The following SPTLC1 variants were observed in gnomAD, a reference collection of about 807,000 sequenced individuals.
SPTLC1 encodes serine palmitoyltransferase 1.
SPTLC1 carries 55 observed loss-of-function variants against 68.9 expected under a neutral mutation model. The ratio of observed to expected loss-of-function variants is 0.80; its 90% confidence interval spans 0.64 to 1.00. SPTLC1 has a LOEUF of 1.00. Ranked by LOEUF, SPTLC1 falls within the 50% of genes least tolerant of loss-of-function variation. The probability of loss-of-function intolerance (pLI) is 0.00; values close to 1 mark genes in which losing one functional copy is unlikely to be tolerated. For missense variants in SPTLC1, 449 were observed against 573.1 expected, an observed-to-expected ratio of 0.78 and a Z score of 2.21; for synonymous variants, 197 against 201.6, an observed-to-expected ratio of 0.98 and a Z score of 0.19.
chr9:92,099,146 T>A (rs1022923815), intron 3 of SPTLC1, among the ~76,000 whole-genome samples: 3 of 152,194 alleles, frequency 2.0e-5, no homozygotes, highest in Admixed American at 6.5e-5. Context: ...TTATCCTATA[T>A]CTGAACTCTG....
intron 11 of SPTLC1, 90 bp from the exon 12 acceptor site, chr9:92,046,143 C>G: frequency 4.6e-6 from 5 of 1,088,762 alleles, no homozygotes; most frequent in Non-Finnish European, 6.9e-6. Context: ...TCAAGTTCAT[C>G]AATTTAAAAT....
chr9:92,071,069 T>G (rs1185549088), intron 5 of SPTLC1, among the ~76,000 whole-genome samples: 1 of 151,526 alleles, frequency 6.6e-6, no homozygotes, highest in Non-Finnish European at 1.5e-5. Context: ...TTCATATTTT[T>G]GCATACATAC....
At chr9:92,045,535 A>AG (rs1326323155) in intron 12 of SPTLC1, among the ~76,000 whole-genome samples, 2 of 142,938 alleles carry the variant, frequency 1.4e-5, no homozygotes, top group African/African-American at 2.8e-5. Flanking sequence ...AAAAAAAAAA[A>AG]AAAAAAAAAA....
At chr9:92,092,797 T>TA (rs1232758117) in intron 3 of SPTLC1, among the ~76,000 whole-genome samples, 1 of 152,156 alleles carries the variant, frequency 6.6e-6, no homozygotes, top group Non-Finnish European at 1.5e-5. Flanking sequence ...TTTATAGGCT[T>TA]AAACACAGAA....
intron 3 of SPTLC1, among the ~76,000 whole-genome samples, chr9:92,094,540 C>A (rs144056071): frequency 1.5e-3 from 221 of 152,308 alleles, no homozygotes; most frequent in African/African-American, 5.1e-3. Flanking sequence ...TCTCCTTGCT[C>A]TTGGCAGTGT....
chr9:92,036,740 T>TATAA (rs1449637052), intron 13 of SPTLC1, among the ~76,000 whole-genome samples: 10 of 152,246 alleles, frequency 6.6e-5, no homozygotes, highest in African/African-American at 2.4e-4. Context: ...GTATTTAATG[T>TATAA]ATAAATGCGT....
intron 3 of SPTLC1, chr9:92,105,393 A>T (rs779189131): frequency 6.7e-7 from 1 of 1,495,408 alleles, no homozygotes. Context: ...AGACTAAGAG[A>T]GCTGCTTAGG....
At chr9:92,097,993 C>T (rs1835595580) in intron 3 of SPTLC1, among the ~76,000 whole-genome samples, 1 of 152,136 alleles carries the variant, frequency 6.6e-6, no homozygotes, top group Non-Finnish European at 1.5e-5. Flanking sequence ...ATAGGTATTG[C>T]ATAAATTGAA....
At chr9:92,069,567 G>C (rs1834411411) in intron 5 of SPTLC1, among the ~76,000 whole-genome samples, 1 of 152,180 alleles carries the variant, frequency 6.6e-6, no homozygotes. Context: ...CTCTAGGAGA[G>C]ATGCTATCAG....
At chr9:92,033,902 C>A (rs1318943601) in intron 14 of SPTLC1, among the ~76,000 whole-genome samples, 1 of 152,164 alleles carries the variant, frequency 6.6e-6, no homozygotes, top group African/African-American at 2.4e-5. Context: ...TCTTCCAAAT[C>A]CTGGTCTGGC....
At chr9:92,057,093 A>C (rs1355231557) in intron 7 of SPTLC1, among the ~76,000 whole-genome samples, 1 of 152,242 alleles carries the variant, frequency 6.6e-6, no homozygotes, top group African/African-American at 2.4e-5. Context: ...TTTCTTGTAT[A>C]AACATATAAA....
In SPTLC1 at chr9:92,081,513, T is replaced by C. The variant is rs542293901; in HGVS notation, c.261-550A>G. On this transcript the variant is annotated intron_variant, in intron 3 of 14. Transcript: ENST00000262554. The stretch of plus-strand genomic sequence containing the variant: ...ACACTCCTGGGGAGCGGGGAGAATG[T>C]GGGTGGCAGCTACACTGGAGCCGGA... Among the ~76,000 whole-genome samples, 12 of 152,218 alleles carry C rather than the reference T, an allele frequency of 7.9e-5. No individual in the cohort carries two copies. The South Asian group carries it at 2.3e-3, about 29-fold the overall frequency.
At chr9:92,042,783 C>T (rs1236845131) in intron 12 of SPTLC1, among the ~76,000 whole-genome samples, 1 of 152,044 alleles carries the variant, frequency 6.6e-6, no homozygotes, top group Non-Finnish European at 1.5e-5. Context: ...GTGATAAAAA[C>T]AGACAAAATC....
intron 12 of SPTLC1, among the ~76,000 whole-genome samples, chr9:92,042,142 T>C (rs912284739): frequency 1.6e-4 from 24 of 152,134 alleles, no homozygotes; most frequent in African/African-American, 5.8e-4. Context: ...AATAATTCAA[T>C]AAAAGCTACT....
chr9:92,071,365 A>C (rs1005604362), intron 5 of SPTLC1, among the ~76,000 whole-genome samples: 4 of 152,248 alleles, frequency 2.6e-5, no homozygotes, highest in Admixed American at 2.6e-4. Context: ...ACGCCATCGC[A>C]CTCCAGCTTG....
chr9:92,115,342 A>T lies in SPTLC1; in HGVS notation c.29T>A (p.Leu10Gln). Residue 10 changes from leucine to glutamine, a missense_variant, in exon 1 of 15, where the codon CTG becomes CAG. Around this residue, in one of 3 missense-constraint regions of SPTLC1, gnomAD observed 46 missense variants for 57.8 expected, o/e 0.80. Coordinates refer to ENST00000262554, the MANE Select transcript of SPTLC1 (RefSeq NM_006415.4). Reference protein sequence around the residue: MATATEQWVLVEMVQALYEA... With the variant: MATATEQWVQVEMVQALYEA... ...GTAAAGCGCCTGTACCATCTCCACC[A>T]GAACCCACTGCTCCGTGGCGGTCGC... 1.9e-6 allele frequency: 3 copies of T among 1,612,814 alleles called. No homozygotes were observed. Among genetic ancestry groups the T allele is most frequent in the Non-Finnish European group, 2.5e-6 (3 of 1,179,972 alleles).
intron 8 of SPTLC1, 95 bp from the exon 9 acceptor site, chr9:92,050,162 A>G: frequency 1.3e-6 from 1 of 789,922 alleles, no homozygotes; most frequent in Non-Finnish European, 2.2e-6. Context: ...TGTACAGCTG[A>G]CTCTCAATAC....
intron 3 of SPTLC1, among the ~76,000 whole-genome samples, chr9:92,101,535 C>G (rs1835749224): frequency 7.7e-6 from 1 of 129,062 alleles, no homozygotes. Context: ...GCACTCCAGC[C>G]TGGGCGACAG....
chr9:92,082,849 CCCA>C (rs1834941682), intron 3 of SPTLC1, among the ~76,000 whole-genome samples: 2 of 151,114 alleles, frequency 1.3e-5, no homozygotes, highest in Non-Finnish European at 1.5e-5. Context: ...AGTTTACAGT[CCCA>C]CCAACAGTGT....
Sources: allele counts gnomAD v4.1 joint callset (sites outside exome capture counted in the v4.1 genomes callset), GRCh38; gene constraint gnomAD v4.1.1; regional missense constraint gnomAD v4.1.1; transcripts MANE v1.5; gene names NCBI Gene and HGNC (gene_info 2026-07-23, HGNC 2026-07-21).